MAML3: variants seen among roughly 807,000 people sequenced by gnomAD.
MAML3 encodes mastermind-like protein 3.
A neutral mutation model predicts 101.9 loss-of-function variants in MAML3; 27 were observed. The ratio of observed to expected loss-of-function variants is 0.27; its 90% CI spans 0.20 to 0.37. The LOEUF (loss-of-function observed/expected upper bound fraction) is 0.37, where lower values mean the gene tolerates loss of function less well. Among genes scored for constraint, MAML3 ranks in the 10% least tolerant of loss-of-function variants. The pLI, the probability that MAML3 is intolerant of heterozygous loss-of-function variation, is 1.00. For missense variants in MAML3, 1,316 were observed against 1,444.9 expected (o/e 0.91, Z 1.45); for synonymous variants, 501 against 555.9 (o/e 0.90, Z 1.39).
chr4:139,875,916 CAA>C (rs57104878), intron 2 of MAML3, among the ~76,000 whole-genome samples: 1,035 of 81,468 alleles, frequency 0.013, 17 homozygotes, highest in African/African-American at 0.022. Flanking sequence ...TCACAAACAG[CAA>C]AAAAAAAAAA....
chr4:140,046,901 A>G (rs1309253631), intron 1 of MAML3, among the ~76,000 whole-genome samples: 1 of 152,012 alleles, frequency 6.6e-6, no homozygotes, highest in Non-Finnish European at 1.5e-5. Context: ...GCTCGTGTGG[A>G]ATATAGGAGA....
intron 2 of MAML3, among the ~76,000 whole-genome samples, chr4:139,859,720 T>G (rs1731732983): frequency 6.6e-6 from 1 of 152,222 alleles, no homozygotes; most frequent in Non-Finnish European, 1.5e-5. Context: ...TTATTCCCAA[T>G]TTACAGATGA....
intron 1 of MAML3, among the ~76,000 whole-genome samples, chr4:139,905,025 C>T (rs1365119647): frequency 6.6e-6 from 1 of 152,240 alleles, no homozygotes; most frequent in African/African-American, 2.4e-5. Flanking sequence ...GTGGTTGTAT[C>T]TGGCTTGAGC....
intron 1 of MAML3, among the ~76,000 whole-genome samples, chr4:139,934,122 C>T (rs143306277): frequency 2.2e-3 from 331 of 151,656 alleles, no homozygotes; most frequent in Non-Finnish European, 3.6e-3. Context: ...TGTGTGAATA[C>T]GTGTATGTGT....
intron 1 of MAML3, among the ~76,000 whole-genome samples, chr4:140,019,098 TAG>T (rs1726693146): frequency 6.9e-6 from 1 of 144,388 alleles, no homozygotes; most frequent in African/African-American, 2.9e-5. Context: ...ACTAATCTTT[TAG>T]GTTAACTCTG....
intron 1 of MAML3, among the ~76,000 whole-genome samples, chr4:139,943,894 G>A (rs1190441938): frequency 7.7e-5 from 4 of 52,088 alleles, no homozygotes; most frequent in Admixed American, 2.0e-4. Context: ...TTTTTGAGAC[G>A]GAATCTTGTT....
intron 1 of MAML3, among the ~76,000 whole-genome samples, chr4:139,922,564 C>T (rs1232798638): frequency 1.3e-5 from 2 of 152,144 alleles, no homozygotes; most frequent in African/African-American, 4.8e-5. Context: ...TATTTCTCAC[C>T]CAAGAAGCAG....
chr4:140,041,150 T>C (rs1727079199), intron 1 of MAML3, among the ~76,000 whole-genome samples: 1 of 152,202 alleles, frequency 6.6e-6, no homozygotes, highest in African/African-American at 2.4e-5. Context: ...TCTATACAAA[T>C]GCATACAGAG....
intron 1 of MAML3, among the ~76,000 whole-genome samples, chr4:140,094,212 T>C (rs1322794705): frequency 6.6e-6 from 1 of 152,210 alleles, no homozygotes; most frequent in Non-Finnish European, 1.5e-5. Context: ...TCTCAGAGAA[T>C]GGACCTGTCT....
intron 2 of MAML3, among the ~76,000 whole-genome samples, chr4:139,753,219 T>C (rs1301826130): frequency 6.6e-6 from 1 of 152,232 alleles, no homozygotes; most frequent in Non-Finnish European, 1.5e-5. Context: ...TTCAGTGGCA[T>C]TAAGTACTTC....
rs1267906286 is a variant in MAML3 at position 139,905,512 on chromosome 4, G to A, written c.469-14545C>T. ...GTCTCAAAAAAAAAAAAAAAAATCAGTTAAATCAGTTATAGCTGGTTACAA... is the reference window on the plus strand; with the variant it reads ...GTCTCAAAAAAAAAAAAAAAAATCAATTAAATCAGTTATAGCTGGTTACAA... On this transcript the variant is annotated intron_variant, in intron 1 of 4. Transcript: ENST00000509479. 1.3e-3 allele frequency among the ~76,000 whole-genome samples: 80 copies of A among 62,468 alleles called. 1 individual carries two copies. Among genetic ancestry groups the A allele is most frequent in the East Asian group, 0.011 (30 of 2,618 alleles). The allele number at this position is 62,468 out of a possible 152,430, so 41.0% of individuals were successfully genotyped here.
intron 1 of MAML3, among the ~76,000 whole-genome samples, chr4:140,034,824 C>T (rs561013431): frequency 6.6e-5 from 10 of 152,228 alleles, no homozygotes; most frequent in African/African-American, 2.2e-4. Flanking sequence ...CAGGAAGTTC[C>T]AGTTAATAAT....
At chr4:139,844,319 C>CA (rs1699956353) in intron 2 of MAML3, among the ~76,000 whole-genome samples, 1 of 152,212 alleles carries the variant, frequency 6.6e-6, no homozygotes, top group African/African-American at 2.4e-5. Flanking sequence ...ATCAGACACT[C>CA]AGTGTCCCAT....
chr4:140,153,049 G>C lies in MAML3; in HGVS notation c.279C>G (p.Asn93Lys). Residue 93 changes from asparagine to lysine, a missense_variant, in exon 1 of 5, where the codon AAC (asparagine) becomes AAG (lysine). Physicochemically the swap from Asn to Lys is moderately conservative, Grantham distance 94. Coordinates refer to ENST00000509479, the MANE Select transcript of MAML3 (RefSeq NM_018717.5). ...GCTCCACCTGAGCCTGCTGGTACCT[G>C]TTCTCGCAGTTGACGTGGTGCCGAC... is the stretch of plus-strand genomic sequence containing the variant. The part of the protein sequence containing the change: ...GCRRHHVNCE[N>K]RYQQAQVEQL... 4 of 1,579,886 alleles carry C rather than the reference G, an allele frequency of 2.5e-6. No homozygotes were observed. The highest frequency in any genetic ancestry group is 3.4e-6 in the Non-Finnish European group (4 of 1,162,604).
chr4:140,089,732 G>A (rs964183626), intron 1 of MAML3, among the ~76,000 whole-genome samples: 1 of 152,224 alleles, frequency 6.6e-6, no homozygotes. Context: ...AGTGGTTACT[G>A]GGGATTGGAG....
At chr4:140,067,236 A>G (rs1727554862) in intron 1 of MAML3, among the ~76,000 whole-genome samples, 1 of 152,072 alleles carries the variant, frequency 6.6e-6, no homozygotes, top group Admixed American at 6.6e-5. Flanking sequence ...AGTGAGAGAA[A>G]GAAACAGAGA....
At chr4:140,094,565 C>T (rs1728119493) in intron 1 of MAML3, among the ~76,000 whole-genome samples, 1 of 152,196 alleles carries the variant, frequency 6.6e-6, no homozygotes, top group African/African-American at 2.4e-5. Context: ...ACTCCTTTCT[C>T]GCTCATTTAA....
chr4:139,941,539 TTGTTGG>T lies in MAML3; in HGVS notation c.469-50578_469-50573del, dbSNP rs146692667. Among the ~76,000 whole-genome samples the T allele has an allele frequency of 5.5e-5, 8 of 146,524 alleles. No homozygotes were observed. The South Asian group carries it at 1.1e-3, about 19-fold the overall frequency. The stretch of plus-strand genomic sequence containing the variant: ...TAACCCTAATGTGTTGTTGTTGTTG[TTGTTGG>T]TGGTGGTGGTGGTGGTGGTGGTATT... On this transcript the variant is annotated intron_variant, in intron 1 of 4. Coordinates refer to ENST00000509479, the MANE Select transcript of MAML3 (RefSeq NM_018717.5).
chr4:139,839,948 AG>A (rs1180133987), intron 2 of MAML3, among the ~76,000 whole-genome samples: 1 of 152,226 alleles, frequency 6.6e-6, no homozygotes, highest in Non-Finnish European at 1.5e-5. Context: ...CTGACCCAGC[AG>A]TAAGCCCTCA....
Sources: allele counts gnomAD v4.1 joint callset (sites outside exome capture counted in the v4.1 genomes callset), GRCh38; gene constraint gnomAD v4.1.1; transcripts MANE v1.5; gene names NCBI Gene and HGNC (gene_info 2026-07-23, HGNC 2026-07-21).